The following GADL1 variants were observed in gnomAD, a reference collection of about 807,000 sequenced individuals.
GADL1 encodes the protein GAD like acidic amino acid decarboxylase 1, also known as acidic amino acid decarboxylase GADL1.
A neutral mutation model predicts 69.5 loss-of-function variants in GADL1; 71 were observed. That is an observed-to-expected ratio of 1.02 (90% CI 0.84 to 1.25). The LOEUF (loss-of-function observed/expected upper bound fraction) is 1.25. Among genes scored for constraint, GADL1 ranks in the 50% most tolerant of loss-of-function variants. The pLI is 0.00. For synonymous variants in GADL1, 254 were observed against 214.4 expected (o/e 1.18, Z -1.62); for missense variants, 737 against 631.8 (o/e 1.17, Z -1.79).
chr3:30,760,070 G>A (rs760356220), intron 14 of GADL1, among the ~76,000 whole-genome samples: 3 of 152,154 alleles, frequency 2.0e-5, no homozygotes, highest in Non-Finnish European at 4.4e-5. Context: ...TATCACTAAA[G>A]TTTTGTGATT....
At chr3:30,769,374 G>A (rs963244171) in intron 14 of GADL1, among the ~76,000 whole-genome samples, 2 of 152,032 alleles carry the variant, frequency 1.3e-5, no homozygotes, top group East Asian at 1.9e-4. Flanking sequence ...TGTCTGGAAC[G>A]TATGCACACA....
chr3:30,865,547 T>A (rs903829082), intron 1 of GADL1, among the ~76,000 whole-genome samples: 1 of 151,976 alleles, frequency 6.6e-6, no homozygotes, highest in Non-Finnish European at 1.5e-5. Context: ...TCTGAACTGA[T>A]AGCACAGCAA....
intron 12 of GADL1, among the ~76,000 whole-genome samples, chr3:30,791,290 C>T (rs1696908552): frequency 6.6e-6 from 1 of 152,154 alleles, no homozygotes. Flanking sequence ...AATCTGTTAA[C>T]TCAAAAGCTT....
intron 2 of GADL1, among the ~76,000 whole-genome samples, chr3:30,861,258 T>C (rs547707590): frequency 3.3e-5 from 5 of 151,368 alleles, no homozygotes; most frequent in African/African-American, 1.2e-4. Context: ...CATTAGAGAG[T>C]TGCGTAAGTG....
At chr3:30,869,486 T>A (rs970383666) in intron 1 of GADL1, among the ~76,000 whole-genome samples, 4 of 151,868 alleles carry the variant, frequency 2.6e-5, no homozygotes, top group African/African-American at 7.3e-5. Context: ...AGTCCCTGGA[T>A]CTAGCCCTGT....
chr3:30,856,251 A>G (rs1295308760), intron 3 of GADL1, among the ~76,000 whole-genome samples: 1 of 152,098 alleles, frequency 6.6e-6, no homozygotes, highest in Non-Finnish European at 1.5e-5. Context: ...TAATGCCTGT[A>G]TGATCTTAAG....
chr3:30,873,350 A>G (rs762718927), intron 1 of GADL1, among the ~76,000 whole-genome samples: 15 of 151,924 alleles, frequency 9.9e-5, no homozygotes, highest in Non-Finnish European at 2.1e-4. Flanking sequence ...TATTAACTCT[A>G]TTTTATAGAT....
chr3:30,854,817 T>A, intron 3 of GADL1, 28 bp from the exon 4 acceptor site: 1 of 1,204,458 alleles, frequency 8.3e-7, no homozygotes, highest in South Asian at 1.4e-5. Context: ...AGTATTCATC[T>A]ATGCAGCAAT....
chr3:30,815,915 ATCCTTT>A (rs1697459399), intron 11 of GADL1, among the ~76,000 whole-genome samples: 1 of 152,094 alleles, frequency 6.6e-6, no homozygotes, highest in Non-Finnish European at 1.5e-5. Flanking sequence ...TCCCAGTTCC[ATCCTTT>A]ATGAGCTTCA....
At chr3:30,746,014 ACTCCAG>A (rs779159577) in intron 14 of GADL1, among the ~76,000 whole-genome samples, 5 of 116,628 alleles carry the variant, frequency 4.3e-5, no homozygotes, top group Non-Finnish European at 8.2e-5. Context: ...CTTTTATTGC[ACTCCAG>A]CTCTGTTGCC....
chr3:30,883,565 A>G (rs987178497), intron 1 of GADL1, among the ~76,000 whole-genome samples: 1 of 152,134 alleles, frequency 6.6e-6, no homozygotes, highest in African/African-American at 2.4e-5. Context: ...AGTGTTTTCA[A>G]ATCAGAATGT....
intron 14 of GADL1, among the ~76,000 whole-genome samples, chr3:30,771,503 T>G (rs1275218756): frequency 6.6e-6 from 1 of 152,294 alleles, no homozygotes; most frequent in East Asian, 1.9e-4. Flanking sequence ...GCCTCTTAAG[T>G]CACATTTAGA....
chr3:30,836,752 C>A (rs1381594556), intron 9 of GADL1, among the ~76,000 whole-genome samples: 1 of 151,832 alleles, frequency 6.6e-6, no homozygotes, highest in East Asian at 1.9e-4. Flanking sequence ...GAATAGGAAG[C>A]TTTGTTGGGA....
Position 30,834,220 on chromosome 3 carries a change from T to C in GADL1, c.965A>G (p.His322Arg). 6.2e-7 allele frequency: 1 copy of C among 1,612,452 alleles called. No individual in the cohort carries two copies. The highest frequency in any genetic ancestry group is 1.1e-5 in the South Asian group (1 of 91,022). Residue 322 changes from histidine (H) to arginine (R), a missense_variant, in exon 10 of 15, where the codon CAC becomes CGC. Coordinates refer to ENST00000282538, the MANE Select transcript of GADL1 (RefSeq NM_207359.3). Reference sequence around the variant, plus strand: ...TACACCAGGAAACTACATTTACCTGTGGATGCCATGCAGAAGCTTGCGGTG... The same window carrying C: ...TACACCAGGAAACTACATTTACCTGCGGATGCCATGCAGAAGCTTGCGGTG... ...RKHRKLLHGI[H>R]RADSVAWNPH...
rs62636628 is a variant in GADL1, at chr3:30,728,327, C to T, written c.1481G>A (p.Arg494His). The change falls in exon 15 of 15, where the codon CGC becomes CAC. Residue 494 changes from arginine to histidine, a missense_variant. Coordinates refer to ENST00000282538, the MANE Select transcript of GADL1 (RefSeq NM_207359.3). The stretch of plus-strand genomic sequence containing the variant: ...CACTTGAGGGCTGATCACCACCTGG[C>T]GGAAGAAGTTGACCTTTCCCCGGTG... ...QPHRGKVNFF[R>H]QVVISPQVSR... is the part of the protein sequence containing the mutation. 32,856 of 1,613,766 alleles carry T rather than the reference C, an allele frequency of 0.02. 433 individuals carry two copies. Among genetic ancestry groups the T allele is most frequent in the Middle Eastern group, 0.029 (175 of 6,056 alleles).
chr3:30,889,262 C>G (rs1244468112), intron 1 of GADL1, among the ~76,000 whole-genome samples: 1 of 152,086 alleles, frequency 6.6e-6, no homozygotes, highest in Non-Finnish European at 1.5e-5. Flanking sequence ...CACTGAGTCC[C>G]TCCCATGATG....
At position 30,813,959 on chromosome 3, in the gene GADL1, T is replaced by C. The variant is rs147542515; in HGVS notation, c.1051-12871A>G. 2.6e-3 allele frequency among the ~76,000 whole-genome samples: 391 copies of C among 152,332 alleles called. 3 individuals are homozygous for C. Among genetic ancestry groups the C allele is most frequent in the African/African-American group, 9.1e-3 (378 of 41,586 alleles). Reference sequence around the variant, plus strand: ...ACAAAAAACGTTTCCACTATACTAATGGCTATTTGTTCAGGCAGAAAGAGC... The same window carrying C: ...ACAAAAAACGTTTCCACTATACTAACGGCTATTTGTTCAGGCAGAAAGAGC... On this transcript the variant is annotated intron_variant, in intron 11 of 14. Coordinates refer to ENST00000282538, the MANE Select transcript of GADL1 (RefSeq NM_207359.3).
chr3:30,787,112 G>A (rs1696810301), intron 12 of GADL1, among the ~76,000 whole-genome samples: 1 of 152,082 alleles, frequency 6.6e-6, no homozygotes, highest in African/African-American at 2.4e-5. Flanking sequence ...CCTGGGTGGT[G>A]GGTTAAGTGC....
At chr3:30,843,358 C>A (rs541630399) in intron 8 of GADL1, among the ~76,000 whole-genome samples, 4 of 150,524 alleles carry the variant, frequency 2.7e-5, no homozygotes, top group Non-Finnish European at 5.9e-5. Context: ...TGGATTCAAG[C>A]GATTCTCCTG....
Sources: allele counts gnomAD v4.1 joint callset (sites outside exome capture counted in the v4.1 genomes callset), GRCh38; gene constraint gnomAD v4.1.1; transcripts MANE v1.5; gene names NCBI Gene and HGNC (gene_info 2026-07-23, HGNC 2026-07-21).